Variants in CNTNAP2 observed in about 807,000 individuals in gnomAD.
The protein encoded by CNTNAP2 is contactin-associated protein-like 2.
In CNTNAP2, 98 loss-of-function variants were observed where a neutral mutation model predicts 155.2. The observed-to-expected ratio is 0.63, with a 90% CI of 0.54 to 0.75. The LOEUF (loss-of-function observed/expected upper bound fraction) is 0.75, where lower values mean the gene tolerates loss of function less well. CNTNAP2 is among the 30% of genes least tolerant of loss of function. CNTNAP2 has a pLI of 0.00. For missense variants in CNTNAP2, 1,727 were observed against 1,688.1 expected, an observed-to-expected ratio of 1.02 and a Z score of -0.40; for synonymous variants, 651 against 631.2, an observed-to-expected ratio of 1.03 and a Z score of -0.47.
chr7:146,362,906 G>A (rs539866143), intron 1 of CNTNAP2, among the ~76,000 whole-genome samples: 1 of 151,942 alleles, frequency 6.6e-6, no homozygotes, highest in African/African-American at 2.4e-5. Flanking sequence ...AAGTAGCTGG[G>A]ACTACAGGCG....
chr7:147,851,758 C>T (rs1041783511), intron 13 of CNTNAP2, among the ~76,000 whole-genome samples: 6 of 88,342 alleles, frequency 6.8e-5, no homozygotes, highest in African/African-American at 9.8e-5. Context: ...CAAGGCCTGT[C>T]GTGGGGTGGG....
At chr7:147,772,398 TA>T (rs58669585) in intron 13 of CNTNAP2, among the ~76,000 whole-genome samples, 21,329 of 117,882 alleles carry the variant, frequency 0.18, 4,571 homozygotes, top group African/African-American at 0.53. Flanking sequence ...ACACTTTGTC[TA>T]AAAAAAAAAA....
intron 16 of CNTNAP2, among the ~76,000 whole-genome samples, chr7:148,134,523 T>C (rs1206252479): frequency 6.6e-6 from 1 of 152,204 alleles, no homozygotes; most frequent in East Asian, 1.9e-4. Context: ...TGGTAAAGTT[T>C]GACCACTCTG....
At chr7:148,131,016 A>G (rs1227004697) in intron 16 of CNTNAP2, among the ~76,000 whole-genome samples, 2 of 151,744 alleles carry the variant, frequency 1.3e-5, no homozygotes, top group African/African-American at 4.8e-5. Context: ...GTTTCATTAA[A>G]ATTTTTTGAT....
At chr7:147,982,783 C>T (rs1018501538) in intron 15 of CNTNAP2, among the ~76,000 whole-genome samples, 9 of 151,892 alleles carry the variant, frequency 5.9e-5, no homozygotes, top group African/African-American at 2.2e-4. Flanking sequence ...TTTGGGAAGC[C>T]GAGGCAGGCA....
intron 9 of CNTNAP2, among the ~76,000 whole-genome samples, chr7:147,323,850 T>C (rs1795399409): frequency 6.6e-6 from 1 of 151,430 alleles, no homozygotes; most frequent in Non-Finnish European, 1.5e-5. Context: ...CCCAATCATA[T>C]TTCTGTTCTC....
intron 15 of CNTNAP2, among the ~76,000 whole-genome samples, chr7:148,051,964 C>G (rs1261910593): frequency 3.3e-5 from 5 of 151,952 alleles, no homozygotes; most frequent in African/African-American, 4.8e-5. Flanking sequence ...ACGGTGAAAC[C>G]CTGTCTCTAC....
chr7:148,366,262 ATATGTGTACATGTATATATG>A lies in CNTNAP2; in HGVS notation c.3476-17361_3476-17342del, dbSNP rs1347836447. Among the ~76,000 whole-genome samples the A allele has an allele frequency of 4.6e-3, 588 of 128,144 alleles. 20 individuals are homozygous for A. The highest frequency in any genetic ancestry group is 0.015 in the Middle Eastern group (3 of 198). The allele number at this position is 128,144 out of a possible 152,430, so 84.1% of individuals were successfully genotyped here. On this transcript the variant is annotated intron_variant, in intron 21 of 23. Coordinates refer to ENST00000361727, the MANE Select transcript of CNTNAP2 (RefSeq NM_014141.6). ...TGTGTATGCATGTATATATGTGTGT[ATATGTGTACATGTATATATG>A]TATGTGTACATGTATATATGTATGT...
chr7:148,049,063 A>T (rs1802833656), intron 15 of CNTNAP2, among the ~76,000 whole-genome samples: 1 of 152,070 alleles, frequency 6.6e-6, no homozygotes, highest in African/African-American at 2.4e-5. Context: ...AATACAAAAA[A>T]AATTAGCCAG....
At chr7:147,902,578 G>C (rs1395911686) in intron 13 of CNTNAP2, among the ~76,000 whole-genome samples, 1 of 151,928 alleles carries the variant, frequency 6.6e-6, no homozygotes, top group Non-Finnish European at 1.5e-5. Context: ...TTCACCCTGA[G>C]TCCCCAAAGT....
intron 4 of CNTNAP2, among the ~76,000 whole-genome samples, chr7:147,076,142 T>G (rs1799995816): frequency 6.6e-6 from 1 of 152,202 alleles, no homozygotes; most frequent in African/African-American, 2.4e-5. Context: ...TTTGGGTATA[T>G]ACCCAGTAAT....
chr7:146,370,439 A>G (rs1009265191), intron 1 of CNTNAP2, among the ~76,000 whole-genome samples: 1 of 151,678 alleles, frequency 6.6e-6, no homozygotes, highest in Non-Finnish European at 1.5e-5. Flanking sequence ...CTCCTTTTCA[A>G]AAAAGAGAAA....
At chr7:146,596,632 A>AGAGG (rs1469325154) in intron 1 of CNTNAP2, among the ~76,000 whole-genome samples, 102 of 149,204 alleles carry the variant, frequency 6.8e-4, no homozygotes, top group Middle Eastern at 3.6e-3. Context: ...AGAGAGAGAG[A>AGAGG]GAGAGAGAAA....
At chr7:146,905,822 G>T (rs920376737) in intron 3 of CNTNAP2, among the ~76,000 whole-genome samples, 1 of 152,134 alleles carries the variant, frequency 6.6e-6, no homozygotes, top group African/African-American at 2.4e-5. Flanking sequence ...GAACAGCTCC[G>T]GGTCTACAGC....
chr7:147,455,960 CA>C (rs1164103175), intron 10 of CNTNAP2, among the ~76,000 whole-genome samples: 1 of 151,974 alleles, frequency 6.6e-6, no homozygotes, highest in Non-Finnish European at 1.5e-5. Flanking sequence ...AGGCATCAGA[CA>C]AAATTCAATA....
chr7:147,923,186 C>A (rs540123893), intron 14 of CNTNAP2, among the ~76,000 whole-genome samples: 2 of 152,126 alleles, frequency 1.3e-5, no homozygotes, highest in African/African-American at 4.8e-5. Context: ...TGTGTCCCCA[C>A]AAAAGATATA....
At chr7:147,168,131 A>G (rs1468066205) in intron 8 of CNTNAP2, among the ~76,000 whole-genome samples, 2 of 149,246 alleles carry the variant, frequency 1.3e-5, no homozygotes, top group Non-Finnish European at 3.0e-5. Context: ...GACATAATGT[A>G]TTTCTATATC....
chr7:147,180,394 A>G (rs530357693), intron 8 of CNTNAP2, among the ~76,000 whole-genome samples: 9 of 152,292 alleles, frequency 5.9e-5, no homozygotes, highest in Admixed American at 2.0e-4. Context: ...CACAACTCCA[A>G]TTTAGTACAT....
intron 1 of CNTNAP2, among the ~76,000 whole-genome samples, chr7:146,353,784 CAATAATAAT>C (rs564677532): frequency 2.0e-5 from 3 of 150,790 alleles, no homozygotes; most frequent in Non-Finnish European, 4.4e-5. Flanking sequence ...CCTATTAAAA[CAATAATAAT>C]AATAATAATA....
Sources: allele counts gnomAD v4.1 joint callset (sites outside exome capture counted in the v4.1 genomes callset), GRCh38; gene constraint gnomAD v4.1.1; transcripts MANE v1.5; gene names NCBI Gene and HGNC (gene_info 2026-07-23, HGNC 2026-07-21).